Variants in POU2F3 observed in about 807,000 individuals in gnomAD.
POU2F3 encodes the protein POU domain, class 2, transcription factor 3.
In POU2F3, 23 loss-of-function variants were observed where a neutral mutation model predicts 59.2. The observed-to-expected ratio is 0.39, with a 90% CI of 0.28 to 0.55. POU2F3 has a LOEUF of 0.55. Ranked by LOEUF, POU2F3 falls within the 20% of genes least tolerant of loss-of-function variation. The pLI, the probability that POU2F3 is intolerant of heterozygous loss-of-function variation, is 0.66. For synonymous variants in POU2F3, 190 were observed against 214.6 expected, an observed-to-expected ratio of 0.89 and a Z score of 1.00; for missense variants, 473 against 544.5, an observed-to-expected ratio of 0.87 and a Z score of 1.31.
chr11:120,313,654 T>A (rs959619057), intron 10 of POU2F3, among the ~76,000 whole-genome samples: 1 of 152,230 alleles, frequency 6.6e-6, no homozygotes, highest in African/African-American at 2.4e-5. Context: ...TGTTCGCATA[T>A]GCCTAGCCTG....
In POU2F3 at chr11:120,263,663, C is replaced by A. The variant is rs1455089414; in HGVS notation, c.98-5547C>A. Among the ~76,000 whole-genome samples, 5 of 152,238 alleles carry A rather than the reference C, an allele frequency of 3.3e-5. No homozygotes were observed. The East Asian group carries it at 9.6e-4, about 29-fold the overall frequency. ...AGAAATCTGAGCTGTTGTCCTGGTT[C>A]AGGTTCTCTGAGGCTATGTGTGGCC... is the stretch of plus-strand genomic sequence containing the variant. On this transcript the variant is annotated intron_variant, in intron 2 of 12. Coordinates refer to ENST00000543440, the MANE Select transcript of POU2F3 (RefSeq NM_014352.4).
At chr11:120,315,534 A>G in intron 11 of POU2F3, 107 bp downstream of exon 11, 1 of 1,031,220 alleles carries the variant, frequency 9.7e-7, no homozygotes, top group South Asian at 1.5e-5. Flanking sequence ...AATGCATTTC[A>G]AAGGATATTA....
intron 3 of POU2F3, 152 bp from the exon 4 acceptor site, chr11:120,298,113 A>G: frequency 2.0e-6 from 2 of 996,124 alleles, no homozygotes; most frequent in Non-Finnish European, 2.9e-6. Flanking sequence ...ACACACAGGC[A>G]GGAAAAGTAA....
intron 2 of POU2F3, chr11:120,254,834 C>T (rs536843738): frequency 9.2e-5 from 14 of 152,286 alleles, no homozygotes; most frequent in African/African-American, 3.4e-4. Context: ...TGGGCTCTCC[C>T]TGGACTGGTG....
At chr11:120,267,580 C>A (rs539524588) in intron 2 of POU2F3, among the ~76,000 whole-genome samples, 25 of 82,264 alleles carry the variant, frequency 3.0e-4, no homozygotes, top group Admixed American at 5.6e-4. Context: ...GACCTCATGA[C>A]CACACAGGAA....
At chr11:120,312,515 A>T (rs1941676741) in intron 10 of POU2F3, among the ~76,000 whole-genome samples, 1 of 152,198 alleles carries the variant, frequency 6.6e-6, no homozygotes, top group African/African-American at 2.4e-5. Context: ...TTAAAATTAG[A>T]GGGGCTGATG....
intron 3 of POU2F3, among the ~76,000 whole-genome samples, chr11:120,290,213 T>A (rs1282835305): frequency 6.6e-6 from 1 of 152,180 alleles, no homozygotes; most frequent in Non-Finnish European, 1.5e-5. Flanking sequence ...GCTTCATTTA[T>A]CCAATGCCCT....
In POU2F3 at chr11:120,297,408, G is replaced by T. The variant is rs532362802; in HGVS notation, c.133-857G>T. On this transcript the variant is annotated intron_variant, in intron 3 of 12. Coordinates refer to ENST00000543440, the MANE Select transcript of POU2F3 (RefSeq NM_014352.4). The stretch of plus-strand genomic sequence containing the variant: ...TCAGGCTGTAACTACAGCATTGGCT[G>T]TGAGGGAGACATGCCTTCACCTGTA... Among the ~76,000 whole-genome samples the T allele has an allele frequency of 5.9e-5, 9 of 152,358 alleles. No individual in the cohort carries two copies. In the South Asian group the frequency reaches 1.9e-3, roughly 32 times the overall value.
chr11:120,243,582 A>G (rs1242546777), intron 1 of POU2F3, among the ~76,000 whole-genome samples: 1 of 152,094 alleles, frequency 6.6e-6, no homozygotes, highest in African/African-American at 2.4e-5. Context: ...CTGAGATAAC[A>G]CAGAGGAGCC....
chr11:120,262,132 C>A (rs2135173466), intron 2 of POU2F3, among the ~76,000 whole-genome samples: 1 of 152,330 alleles, frequency 6.6e-6, no homozygotes, highest in African/African-American at 2.4e-5. Flanking sequence ...CTGACTGCAC[C>A]AGGCACAGGG....
intron 10 of POU2F3, among the ~76,000 whole-genome samples, chr11:120,310,861 C>T (rs1001610637): frequency 6.6e-6 from 1 of 152,182 alleles, no homozygotes; most frequent in Non-Finnish European, 1.5e-5. Flanking sequence ...GACCTCACTG[C>T]CTAGCAGAGG....
At chr11:120,240,138 G>T, upstream of POU2F3, 1 of 1,188,776 alleles carries the variant, frequency 8.4e-7, no homozygotes, top group Non-Finnish European at 1.0e-6. Flanking sequence ...GCTCACCTGG[G>T]GAGTGTGGCA....
chr11:120,269,305 T>C lies in POU2F3; in HGVS notation c.132+61T>C. 2.2e-6 allele frequency: 3 copies of C among 1,345,454 alleles called. No individual in the cohort carries two copies. The Admixed American group carries it at 5.3e-5, about 24-fold the overall frequency. The allele number at this position is 1,345,454 out of a possible 1,614,324, so 83.3% of individuals were successfully genotyped here. On this transcript the variant is annotated intron_variant, in intron 3 of 12. Coordinates refer to ENST00000543440, the MANE Select transcript of POU2F3 (RefSeq NM_014352.4). ...TAAAATTTGGGCATCACCTATACTG[T>C]CTGGTATGGAGGAAGACAAGATTAA...
At chr11:120,278,185 G>A (rs1940413339) in intron 3 of POU2F3, among the ~76,000 whole-genome samples, 1 of 152,172 alleles carries the variant, frequency 6.6e-6, no homozygotes, top group Non-Finnish European at 1.5e-5. Context: ...TAGTCAGGCT[G>A]TTCACCGACA....
At position 120,319,650 on chromosome 11, in the gene POU2F3, T is replaced by C. The variant is rs1941872607; in HGVS notation, c.*1258T>C. Reference sequence around the variant, plus strand: ...TAGTAGAGATGGGGTTTCACCATGTTGGTCAGGCTGGTCTTGAACTCCTGA... The same window carrying C: ...TAGTAGAGATGGGGTTTCACCATGTCGGTCAGGCTGGTCTTGAACTCCTGA... On this transcript the variant is annotated 3_prime_UTR_variant, in exon 13 of 13. Transcript: ENST00000543440. The C allele has an allele frequency of 6.6e-6, 1 of 152,330 alleles. No individual in the cohort carries two copies. The highest frequency in any genetic ancestry group is 2.4e-5 in the African/African-American group (1 of 41,328). The allele number at this position is 152,330 out of a possible 1,614,324, so 9.4% of individuals were successfully genotyped here.
At chr11:120,271,902 G>C (rs1417736608) in intron 3 of POU2F3, among the ~76,000 whole-genome samples, 1 of 152,078 alleles carries the variant, frequency 6.6e-6, no homozygotes, top group African/African-American at 2.4e-5. Context: ...AAAGAGGGTG[G>C]AGGGAATTTT....
rs558884467 is a variant in POU2F3, at chr11:120,276,595, A to C, written c.132+7351A>C. On this transcript the variant is annotated intron_variant, in intron 3 of 12. Coordinates refer to ENST00000543440, the MANE Select transcript of POU2F3 (RefSeq NM_014352.4). ...CAGGGCAGGGCGGGGCAGGCTAAGA[A>C]AGAGAAGAGGATGAGGAGCCAACAA... is the stretch of plus-strand genomic sequence containing the variant. Among the ~76,000 whole-genome samples the C allele has an allele frequency of 1.1e-3, 168 of 152,288 alleles. 1 individual carries two copies. Among genetic ancestry groups the C allele is most frequent in the African/African-American group, 3.9e-3 (163 of 41,564 alleles).
rs149560679 is a variant in POU2F3, at chr11:120,258,140, C to T, written c.98-11070C>T. Among the ~76,000 whole-genome samples the T allele has an allele frequency of 7.1e-3, 1,087 of 152,324 alleles. 10 individuals are homozygous for T. Among genetic ancestry groups the T allele is most frequent in the African/African-American group, 0.021 (877 of 41,566 alleles). On this transcript the variant is annotated intron_variant, in intron 2 of 12. Coordinates refer to ENST00000543440, the MANE Select transcript of POU2F3 (RefSeq NM_014352.4). The stretch of plus-strand genomic sequence containing the variant: ...TGCACTAAGCACATCTTTGTGACCA[C>T]GTGAGAGCCAGCGCCCAGCTGAATC...
chr11:120,294,701 G>A (rs1448467103), intron 3 of POU2F3, among the ~76,000 whole-genome samples: 4 of 152,186 alleles, frequency 2.6e-5, no homozygotes, highest in Admixed American at 2.0e-4. Context: ...TGTCAAAGAT[G>A]TCTGTCAGAG....
Sources: gnomAD v4.1 joint callset for allele counts (sites outside exome capture counted in the v4.1 genomes callset) on GRCh38, gnomAD v4.1.1 for gene constraint, MANE v1.5 for transcripts, NCBI Gene and HGNC (gene_info 2026-07-23, HGNC 2026-07-21) for gene names.